The following FAM234B variants were observed in gnomAD, a reference collection of about 807,000 sequenced individuals.
The protein encoded by FAM234B is protein FAM234B.
A neutral mutation model predicts 69.3 loss-of-function variants in FAM234B; 33 were observed. That is an observed-to-expected ratio of 0.48 (90% CI 0.36 to 0.64). The LOEUF (loss-of-function observed/expected upper bound fraction) is 0.64. Ranked by LOEUF, FAM234B falls within the 30% of genes least tolerant of loss-of-function variation. The probability of loss-of-function intolerance (pLI) is 0.00; values close to 1 mark genes in which losing one functional copy is unlikely to be tolerated. For missense variants in FAM234B, 697 were observed against 769.7 expected, an observed-to-expected ratio of 0.91 and a Z score of 1.12; for synonymous variants, 306 against 306.9, an observed-to-expected ratio of 1.00 and a Z score of 0.03.
In FAM234B at chr12:13,080,643, T is replaced by C. The variant is rs369061773; in HGVS notation, c.*13T>C. Reference sequence around the variant, plus strand: ...TCCATAGATCTAATCTGATGGAATCTTCAGTTGCAGAAGAAGTGAACAGAG... The same window carrying C: ...TCCATAGATCTAATCTGATGGAATCCTCAGTTGCAGAAGAAGTGAACAGAG... On this transcript the variant is annotated 3_prime_UTR_variant, in exon 13 of 13. Coordinates refer to ENST00000197268, the MANE Select transcript of FAM234B (RefSeq NM_020853.2). 1 of 1,603,550 alleles carries C rather than the reference T, an allele frequency of 6.2e-7. No individual in the cohort carries two copies. The highest frequency in any genetic ancestry group is 8.5e-7 in the Non-Finnish European group (1 of 1,170,360).
intron 11 of FAM234B, among the ~76,000 whole-genome samples, chr12:13,077,913 C>T (rs1332089942): frequency 6.6e-6 from 1 of 152,164 alleles, no homozygotes; most frequent in African/African-American, 2.4e-5. Context: ...TATTTCTCCA[C>T]ATCCTCTCCA....
At position 13,080,670 on chromosome 12, in the gene FAM234B, G is replaced by T. The variant is rs1467093979; in HGVS notation, c.*40G>T. 6.5e-7 allele frequency: 1 copy of T among 1,544,262 alleles called. No homozygotes were observed. Among genetic ancestry groups the T allele is most frequent in the African/African-American group, 1.4e-5 (1 of 73,496 alleles). On this transcript the variant is annotated 3_prime_UTR_variant, in exon 13 of 13. Transcript: ENST00000197268. ...CAGTTGCAGAAGAAGTGAACAGAGTGGATACCCTCTCTACTCTCCTGTCAC... is the reference window on the plus strand; with the variant it reads ...CAGTTGCAGAAGAAGTGAACAGAGTTGATACCCTCTCTACTCTCCTGTCAC...
At chr12:13,073,429 A>G (rs947774627) in intron 10 of FAM234B, among the ~76,000 whole-genome samples, 2 of 152,204 alleles carry the variant, frequency 1.3e-5, no homozygotes, top group African/African-American at 4.8e-5. Flanking sequence ...TCAACAAGCA[A>G]AATGCCTTGG....
rs1865105153 is a variant in FAM234B at position 13,071,384 on chromosome 12, A to G, written c.1512A>G (p.Ala504=). The change falls in exon 10 of 13, where the codon GCA becomes GCG. Residue 504 remains alanine (A), a synonymous_variant. Transcript: ENST00000197268. ...TCTGGGCCGAAGGGCTGTCAGCTGC[A>G]TCTCCCAATTCCGTGAGTGAGCCTG... ...FLFWAEGLSA[A]SPNSDIILGT... is the part of the protein sequence containing the mutation. The G allele has an allele frequency of 6.2e-7, 1 of 1,614,118 alleles. No homozygotes were observed. Among genetic ancestry groups the G allele is most frequent in the Non-Finnish European group, 8.5e-7 (1 of 1,180,014 alleles).
At chr12:13,077,543 T>C (rs1374664957) in intron 11 of FAM234B, among the ~76,000 whole-genome samples, 2 of 151,752 alleles carry the variant, frequency 1.3e-5, no homozygotes, top group Non-Finnish European at 2.9e-5. Flanking sequence ...GTCCTTGCGA[T>C]AGTTTACTGA....
At position 13,066,624 on chromosome 12, in the gene FAM234B, T is replaced by C; in HGVS notation, c.853-16T>C. The C allele has an allele frequency of 6.2e-7, 1 of 1,604,806 alleles. No homozygotes were observed. The highest frequency in any genetic ancestry group is 8.5e-7 in the Non-Finnish European group (1 of 1,175,582). ...AGGGCTTCTATTGACTCCACCCCCCTCTCTTACTTCCTCAGCCAGATCTGT... is the reference window on the plus strand; with the variant it reads ...AGGGCTTCTATTGACTCCACCCCCCCCTCTTACTTCCTCAGCCAGATCTGT... On this transcript the variant is annotated splice_polypyrimidine_tract_variant and intron_variant, in intron 5 of 12. Transcript: ENST00000197268.
intron 6 of FAM234B, 52 bp downstream of exon 6, chr12:13,066,839 A>AG: frequency 6.3e-7 from 1 of 1,575,444 alleles, no homozygotes; most frequent in Non-Finnish European, 8.6e-7. Flanking sequence ...ATTTGTGATG[A>AG]GGCCTTCCTT....
intron 5 of FAM234B, among the ~76,000 whole-genome samples, chr12:13,063,599 A>G (rs954971291): frequency 1.3e-5 from 2 of 152,216 alleles, no homozygotes; most frequent in Non-Finnish European, 2.9e-5. Context: ...TGGCCCTTGA[A>G]TTATGGTCCT....
chr12:13,059,577 A>G (rs1485490956), intron 3 of FAM234B, among the ~76,000 whole-genome samples: 2 of 152,332 alleles, frequency 1.3e-5, no homozygotes, highest in Non-Finnish European at 2.9e-5. Flanking sequence ...GAGCTGATGC[A>G]GGGACCTAGT....
intron 1 of FAM234B, among the ~76,000 whole-genome samples, chr12:13,049,521 G>A (rs931248288): frequency 2.6e-5 from 4 of 152,246 alleles, no homozygotes; most frequent in Admixed American, 1.3e-4. Flanking sequence ...TGTAGGATAA[G>A]TGTTCAGAAC....
chr12:13,057,925 G>A (rs960382794), intron 2 of FAM234B, among the ~76,000 whole-genome samples: 3 of 152,362 alleles, frequency 2.0e-5, no homozygotes, highest in South Asian at 4.1e-4. Flanking sequence ...ACATCCAGGA[G>A]AGGGTGGGAG....
Position 13,058,501 on chromosome 12 carries a change from C to G in FAM234B, c.484C>G (p.Arg162Gly), listed in dbSNP as rs778358263. The change falls in exon 3 of 13, where the codon CGT (arginine) becomes GGT (glycine). Residue 162 changes from arginine to glycine, a missense_variant. Transcript: ENST00000197268. Reference sequence around the variant, plus strand: ...GGCTGATGTGAATGGAGATGGCCTGCGTGATGTGCTTCTCTCCTTTGTGAT... The same window carrying G: ...GGCTGATGTGAATGGAGATGGCCTGGGTGATGTGCTTCTCTCCTTTGTGAT... The part of the protein sequence containing the change: ...ELADVNGDGL[R>G]DVLLSFVMSR... 1 of 1,613,644 alleles carries G rather than the reference C, an allele frequency of 6.2e-7. No homozygotes were observed. Among genetic ancestry groups the G allele is most frequent in the South Asian group, 1.1e-5 (1 of 91,070 alleles).
At chr12:13,076,866 C>T (rs1865167496) in intron 11 of FAM234B, among the ~76,000 whole-genome samples, 1 of 152,244 alleles carries the variant, frequency 6.6e-6, no homozygotes, top group African/African-American at 2.4e-5. Context: ...TTCCTTCCCT[C>T]ATGGAATCTG....
At chr12:13,066,980 G>A (rs1865046293) in intron 6 of FAM234B, 175 bp from the exon 7 acceptor site, 3 of 914,902 alleles carry the variant, frequency 3.3e-6, no homozygotes, top group East Asian at 2.6e-5. Flanking sequence ...TCCTCTGAAG[G>A]GAAGACTCTT....
chr12:13,055,522 C>T (rs879567824), intron 1 of FAM234B, 29 bp from the exon 2 acceptor site: 2 of 1,556,936 alleles, frequency 1.3e-6, no homozygotes, highest in Non-Finnish European at 1.7e-6. Context: ...CCCAGTTCCC[C>T]TTGACTCTCT....
chr12:13,077,869 C>G (rs1325368189), intron 11 of FAM234B, among the ~76,000 whole-genome samples: 3 of 152,214 alleles, frequency 2.0e-5, no homozygotes, highest in Non-Finnish European at 4.4e-5. Context: ...AATGGTTGAA[C>G]TAGTTTACAG....
chr12:13,065,428 T>C (rs1865026341), intron 5 of FAM234B, among the ~76,000 whole-genome samples: 1 of 152,242 alleles, frequency 6.6e-6, no homozygotes, highest in Non-Finnish European at 1.5e-5. Context: ...ATTTGTAGTA[T>C]AATTAATATA....
At chr12:13,068,212 G>T in intron 7 of FAM234B, 92 bp from the exon 8 acceptor site, 1 of 1,247,256 alleles carries the variant, frequency 8.0e-7, no homozygotes, top group Non-Finnish European at 1.2e-6. Context: ...AGTGTGTACA[G>T]GTGTACGTAT....
At chr12:13,064,636 T>C (rs951534879) in intron 5 of FAM234B, among the ~76,000 whole-genome samples, 15 of 152,264 alleles carry the variant, frequency 9.9e-5, no homozygotes, top group African/African-American at 2.4e-4. Flanking sequence ...GTTTTCACAA[T>C]AGGGTACAGC....
Sources: allele counts gnomAD v4.1 joint callset (sites outside exome capture counted in the v4.1 genomes callset), GRCh38; gene constraint gnomAD v4.1.1; transcripts MANE v1.5; gene names NCBI Gene and HGNC (gene_info 2026-07-23, HGNC 2026-07-21).